Variants in CALN1 observed in about 807,000 individuals in gnomAD.
The protein encoded by CALN1 is calcium-binding protein 8.
A neutral mutation model predicts 30.6 loss-of-function variants in CALN1; 17 were observed. That is an observed-to-expected ratio of 0.56 (90% CI 0.38 to 0.83). CALN1 has a LOEUF of 0.83. Ranked by LOEUF, CALN1 falls within the 40% of genes least tolerant of loss-of-function variation. The pLI, the probability that CALN1 is intolerant of heterozygous loss-of-function variation, is 0.00. For missense variants in CALN1, 291 were observed against 354.9 expected, an observed-to-expected ratio of 0.82 and a Z score of 1.45; for synonymous variants, 156 against 131.4, an observed-to-expected ratio of 1.19 and a Z score of -1.28.
chr7:72,270,127 G>A (rs1289738697), intron 3 of CALN1, among the ~76,000 whole-genome samples: 3 of 151,848 alleles, frequency 2.0e-5, no homozygotes, highest in Non-Finnish European at 4.4e-5. Flanking sequence ...GTGTGTGTGT[G>A]TTGAGAGAGA....
At chr7:72,170,314 C>T (rs1788848806) in intron 3 of CALN1, among the ~76,000 whole-genome samples, 1 of 152,024 alleles carries the variant, frequency 6.6e-6, no homozygotes, top group Non-Finnish European at 1.5e-5. Context: ...GCATTTAGTT[C>T]TACTCTCTTG....
intron 5 of CALN1, among the ~76,000 whole-genome samples, chr7:71,959,720 G>A (rs1040729405): frequency 1.3e-5 from 2 of 151,880 alleles, no homozygotes; most frequent in Non-Finnish European, 2.9e-5. Context: ...ATCAGCACAA[G>A]AGGACAGTGG....
At chr7:72,405,848 A>C (rs931405848) in intron 1 of CALN1, among the ~76,000 whole-genome samples, 7 of 152,144 alleles carry the variant, frequency 4.6e-5, no homozygotes, top group African/African-American at 1.7e-4. Context: ...ATATGCAAAA[A>C]CTTCTGAATA....
intron 3 of CALN1, among the ~76,000 whole-genome samples, chr7:72,119,854 G>C (rs1808255324): frequency 6.6e-6 from 1 of 152,152 alleles, no homozygotes; most frequent in Non-Finnish European, 1.5e-5. Context: ...TGACATGTGG[G>C]AATTGTGGGA....
chr7:72,211,901 C>T (rs1372513921), intron 3 of CALN1, among the ~76,000 whole-genome samples: 1 of 152,110 alleles, frequency 6.6e-6, no homozygotes, highest in Non-Finnish European at 1.5e-5. Flanking sequence ...ATAGAGAGCT[C>T]TTGGCACGTT....
intron 5 of CALN1, among the ~76,000 whole-genome samples, chr7:71,818,677 TTTATTTATTTATTTATTTA>T (rs1788407364): frequency 2.4e-4 from 1 of 4,172 alleles, no homozygotes; most frequent in Non-Finnish European, 7.8e-4. Flanking sequence ...GCTTATTTTA[TTTATTTATTTATTTATTTA>T]TTTATTTATT....
intron 5 of CALN1, among the ~76,000 whole-genome samples, chr7:71,853,303 TTTATATA>T (rs1790754640): frequency 6.6e-6 from 1 of 152,126 alleles, no homozygotes; most frequent in African/African-American, 2.4e-5. Flanking sequence ...TAAAATTTTA[TTTATATA>T]ATTGGCAATT....
At position 72,393,263 on chromosome 7, in the gene CALN1, G is replaced by C. The variant is rs114710837; in HGVS notation, c.119+9988C>G. Among the ~76,000 whole-genome samples, 515 of 152,156 alleles carry C rather than the reference G, an allele frequency of 3.4e-3. 3 individuals carry two copies. The highest frequency in any genetic ancestry group is 0.012 in the African/African-American group (504 of 41,512). On this transcript the variant is annotated intron_variant, in intron 2 of 6. Coordinates refer to ENST00000395275, the MANE Select transcript of CALN1 (RefSeq NM_031468.4). The stretch of plus-strand genomic sequence containing the variant: ...CGTGTGGATCATGAGGCCAGATCAA[G>C]ACCATCCTGGCTAACACGGTGAAAC...
chr7:72,104,874 C>T lies in CALN1; in HGVS notation c.388+1277G>A, dbSNP rs189047044. ...CTGAAAGGCTAAGGCAAGAGAATCA[C>T]TTGAACCGGGAGGCGGAGGCTGCAG... On this transcript the variant is annotated intron_variant, in intron 4 of 6. Transcript: ENST00000395275. 6.3e-3 allele frequency among the ~76,000 whole-genome samples: 963 copies of T among 152,210 alleles called. 8 individuals are homozygous for T. Among genetic ancestry groups the T allele is most frequent in the African/African-American group, 0.022 (932 of 41,526 alleles).
At chr7:72,405,814 T>C (rs781156099) in intron 1 of CALN1, among the ~76,000 whole-genome samples, 4 of 152,206 alleles carry the variant, frequency 2.6e-5, no homozygotes, top group Non-Finnish European at 5.9e-5. Flanking sequence ...AATGCATATT[T>C]CAAAAAGCAG....
At chr7:72,397,712 T>TCACACACACACACACACACA (rs1248212217) in intron 2 of CALN1, among the ~76,000 whole-genome samples, 20 of 70,290 alleles carry the variant, frequency 2.8e-4, no homozygotes, top group East Asian at 7.2e-4. Context: ...ACCCATTCTC[T>TCACACACACACACACACACA]CTCACACACA....
In CALN1 at chr7:72,133,948, T is replaced by C. The variant is rs375312587; in HGVS notation, c.245-27654A>G. On this transcript the variant is annotated intron_variant, in intron 3 of 6. Transcript: ENST00000395275. Reference sequence around the variant, plus strand: ...AGCTAAATGCTACAGTTTGAGTATGTTCTCTTCAAAATTCTTCAAAATTCA... The same window carrying C: ...AGCTAAATGCTACAGTTTGAGTATGCTCTCTTCAAAATTCTTCAAAATTCA... Among the ~76,000 whole-genome samples, 81 of 152,316 alleles carry C rather than the reference T, an allele frequency of 5.3e-4. No individual in the cohort carries two copies. The Middle Eastern group carries it at 0.014, about 26-fold the overall frequency.
intron 2 of CALN1, among the ~76,000 whole-genome samples, chr7:72,376,073 T>G (rs1804536066): frequency 6.6e-6 from 1 of 152,260 alleles, no homozygotes; most frequent in Non-Finnish European, 1.5e-5. Context: ...TATTTGTATT[T>G]TATTCCTTTA....
At chr7:72,336,307 T>G (rs1254718353) in intron 2 of CALN1, among the ~76,000 whole-genome samples, 1 of 151,774 alleles carries the variant, frequency 6.6e-6, no homozygotes, top group Non-Finnish European at 1.5e-5. Context: ...CTGCCCTCCC[T>G]CCCCATCGCC....
intron 5 of CALN1, among the ~76,000 whole-genome samples, chr7:71,929,593 T>C (rs1209038368): frequency 6.6e-6 from 1 of 152,248 alleles, no homozygotes; most frequent in Non-Finnish European, 1.5e-5. Context: ...TTTCTTTTTA[T>C]TGATAAATAA....
intron 3 of CALN1, among the ~76,000 whole-genome samples, chr7:72,133,798 A>G (rs1006886088): frequency 6.6e-6 from 1 of 152,212 alleles, no homozygotes; most frequent in Admixed American, 6.5e-5. Flanking sequence ...CTTCTGTGAT[A>G]TTTCTGCAAA....
intron 3 of CALN1, among the ~76,000 whole-genome samples, chr7:72,266,544 T>C (rs1358130022): frequency 6.6e-6 from 1 of 152,208 alleles, no homozygotes; most frequent in African/African-American, 2.4e-5. Flanking sequence ...GTCATATTTT[T>C]TTCCTTCCTC....
chr7:71,941,090 T>G (rs993226318), intron 5 of CALN1, among the ~76,000 whole-genome samples: 2 of 152,162 alleles, frequency 1.3e-5, no homozygotes, highest in Non-Finnish European at 2.9e-5. Context: ...CTCACGACTG[T>G]AATCCCAGCA....
the CALN1 span, among the ~76,000 whole-genome samples, chr7:72,459,763 C>T: frequency 1.3e-5 from 2 of 152,060 alleles, no homozygotes; most frequent in East Asian, 1.9e-4. Context: ...GAAAAGGCAA[C>T]CCAACACGAC....
Sources: gnomAD v4.1 joint callset for allele counts (sites outside exome capture counted in the v4.1 genomes callset) on GRCh38, gnomAD v4.1.1 for gene constraint, MANE v1.5 for transcripts, NCBI Gene and HGNC (gene_info 2026-07-23, HGNC 2026-07-21) for gene names.